METTL15: variants seen among roughly 807,000 people sequenced by gnomAD.
METTL15 encodes the protein methyltransferase 15, mitochondrial 12S rRNA N4-cytidine, also known as 12S rRNA N(4)-cytidine methyltransferase METTL15.
In METTL15, 34 loss-of-function variants were observed where a neutral mutation model predicts 38.3. That is an observed-to-expected ratio of 0.89 (90% CI 0.68 to 1.18). The LOEUF (loss-of-function observed/expected upper bound fraction) is 1.18. Ranked by LOEUF, METTL15 falls within the 50% of genes most tolerant of loss-of-function variation. The pLI is 0.00. For synonymous variants in METTL15, 162 were observed against 170.9 expected, an observed-to-expected ratio of 0.95 and a Z score of 0.41; for missense variants, 438 against 498.4, an observed-to-expected ratio of 0.88 and a Z score of 1.15.
At chr11:28,392,107 C>T (rs1850515579) in intron 5 of METTL15, among the ~76,000 whole-genome samples, 1 of 152,048 alleles carries the variant, frequency 6.6e-6, no homozygotes, top group Admixed American at 6.6e-5. Context: ...TGAACTCAAA[C>T]AAATTTACAA....
chr11:28,194,861 C>T (rs965439321), intron 3 of METTL15, among the ~76,000 whole-genome samples: 4 of 151,672 alleles, frequency 2.6e-5, no homozygotes, highest in Admixed American at 1.3e-4. Flanking sequence ...TCCTAACCTC[C>T]GTCTTCTGAG....
At chr11:28,498,819 C>G (rs1463226573) in intron 6 of METTL15, among the ~76,000 whole-genome samples, 1 of 152,212 alleles carries the variant, frequency 6.6e-6, no homozygotes, top group East Asian at 1.9e-4. Context: ...AAATGTTGTT[C>G]ATGGCACATC....
chr11:28,355,341 A>G (rs1010850909), intron 4 of METTL15, among the ~76,000 whole-genome samples: 10 of 152,170 alleles, frequency 6.6e-5, no homozygotes, highest in African/African-American at 1.9e-4. Flanking sequence ...AGCCTGGGGG[A>G]AAAATTTTAT....
At chr11:28,252,335 A>G (rs1325051784) in intron 4 of METTL15, among the ~76,000 whole-genome samples, 1 of 152,100 alleles carries the variant, frequency 6.6e-6, no homozygotes, top group Non-Finnish European at 1.5e-5. Flanking sequence ...ATTTCAAAGA[A>G]CATTTAGTAC....
intron 6 of METTL15, among the ~76,000 whole-genome samples, chr11:28,481,727 C>T (rs923946420): frequency 4.6e-5 from 7 of 152,148 alleles, no homozygotes; most frequent in African/African-American, 1.4e-4. Context: ...GGCTGCTCAG[C>T]GCTGCCTGTG....
At chr11:28,398,350 C>G (rs1220552933) in intron 5 of METTL15, among the ~76,000 whole-genome samples, 2 of 151,856 alleles carry the variant, frequency 1.3e-5, no homozygotes, top group Non-Finnish European at 2.9e-5. Flanking sequence ...TGTTTCCTGA[C>G]TTTTTTAATG....
chr11:28,506,779 C>T (rs1329297968), intron 6 of METTL15, among the ~76,000 whole-genome samples: 2 of 133,646 alleles, frequency 1.5e-5, no homozygotes, highest in Non-Finnish European at 3.1e-5. Context: ...GAGTCTCACT[C>T]TGTTGCCCAG....
intron 6 of METTL15, among the ~76,000 whole-genome samples, chr11:28,313,268 T>C (rs1857369476): frequency 6.6e-6 from 1 of 152,062 alleles, no homozygotes; most frequent in Non-Finnish European, 1.5e-5. Context: ...TGATAGGTAC[T>C]TGACAAAAGA....
chr11:28,442,899 T>C (rs1243403562), intron 6 of METTL15, among the ~76,000 whole-genome samples: 1 of 152,252 alleles, frequency 6.6e-6, no homozygotes. Context: ...GTAATGAATG[T>C]TCATTATAGT....
downstream of METTL15, among the ~76,000 whole-genome samples, chr11:28,531,772 A>G (rs1851844437): frequency 6.6e-6 from 1 of 152,080 alleles, no homozygotes. Flanking sequence ...CCAGTATTGC[A>G]TAATATTAGT....
At chr11:28,267,111 GATCGC>G (rs1237022976) in intron 4 of METTL15, among the ~76,000 whole-genome samples, 2 of 136,146 alleles carry the variant, frequency 1.5e-5, no homozygotes, top group Non-Finnish European at 3.0e-5. Flanking sequence ...AGTGAGCCAA[GATCGC>G]ATCATTGCAC....
intron 4 of METTL15, among the ~76,000 whole-genome samples, chr11:28,213,325 A>T (rs962680301): frequency 1.5e-4 from 23 of 152,156 alleles, no homozygotes; most frequent in Non-Finnish European, 2.5e-4. Context: ...AGATCACAAG[A>T]GATCAGTCTT....
chr11:28,245,403 A>G (rs1854468570), intron 4 of METTL15, among the ~76,000 whole-genome samples: 1 of 152,160 alleles, frequency 6.6e-6, no homozygotes. Context: ...TACTATTTCA[A>G]GGTGGTTAGT....
intron 6 of METTL15, among the ~76,000 whole-genome samples, chr11:28,322,654 A>G (rs779245966): frequency 6.6e-6 from 1 of 152,184 alleles, no homozygotes; most frequent in Non-Finnish European, 1.5e-5. Context: ...AACAACTCCA[A>G]GTGACATACA....
rs1457848374 is a variant in METTL15, at chr11:28,272,600, GGA to G, written c.408-17603_408-17602del. On this transcript the variant is annotated intron_variant, in intron 4 of 6. Coordinates refer to ENST00000407364, the MANE Select transcript of METTL15 (RefSeq NM_001113528.2). ...TGCGTTCAGGACAGGGATAGCATCAGGAGAAATGCCTAATGTAGATGACTGGT... is the reference window on the plus strand; with the variant it reads ...TGCGTTCAGGACAGGGATAGCATCAGGAAATGCCTAATGTAGATGACTGGT... 2.0e-4 allele frequency among the ~76,000 whole-genome samples: 31 copies of G among 152,284 alleles called. 1 individual carries two copies. Among genetic ancestry groups the G allele is most frequent in the African/African-American group, 5.3e-4 (22 of 41,556 alleles).
chr11:28,166,773 A>G (rs1019110348), intron 3 of METTL15, among the ~76,000 whole-genome samples: 3 of 152,064 alleles, frequency 2.0e-5, no homozygotes, highest in Non-Finnish European at 4.4e-5. Flanking sequence ...AACATGGTGA[A>G]AACTGTCTCT....
At chr11:28,501,866 G>A (rs1243443718) in intron 6 of METTL15, among the ~76,000 whole-genome samples, 3 of 152,138 alleles carry the variant, frequency 2.0e-5, no homozygotes, top group Admixed American at 6.5e-5. Flanking sequence ...TTGGGAGACC[G>A]AGGCAGGCGG....
chr11:28,147,265 T>C (rs556251033), intron 3 of METTL15, among the ~76,000 whole-genome samples: 5 of 152,028 alleles, frequency 3.3e-5, no homozygotes, highest in African/African-American at 1.2e-4. Context: ...TAATGCAATC[T>C]ACAACAGCAT....
chr11:28,189,752 C>A (rs897467979), intron 3 of METTL15, among the ~76,000 whole-genome samples: 2 of 151,248 alleles, frequency 1.3e-5, no homozygotes, highest in Non-Finnish European at 3.0e-5. Context: ...CAGTCAATCT[C>A]ACATTTTGTA....
Sources: allele counts gnomAD v4.1 joint callset (sites outside exome capture counted in the v4.1 genomes callset), GRCh38; gene constraint gnomAD v4.1.1; transcripts MANE v1.5; gene names NCBI Gene and HGNC (gene_info 2026-07-23, HGNC 2026-07-21).